The following C12orf42 variants were observed in gnomAD, a reference collection of about 807,000 sequenced individuals.
C12orf42 encodes the protein uncharacterized protein C12orf42.
C12orf42 carries 25 observed loss-of-function variants against 21.6 expected under a neutral mutation model. The observed-to-expected ratio is 1.16, with a 90% CI of 0.84 to 1.62. C12orf42 has a LOEUF of 1.62. C12orf42 is among the 40% of genes most tolerant of loss of function. The probability of loss-of-function intolerance (pLI) is 0.00; values close to 1 mark genes in which losing one functional copy is unlikely to be tolerated. For synonymous variants in C12orf42, 174 were observed against 175.0 expected (o/e 0.99, Z 0.05); for missense variants, 483 against 459.3 (o/e 1.05, Z -0.47).
intron 10 of C12orf42, among the ~76,000 whole-genome samples, chr12:103,253,163 A>T (rs778183475): frequency 5.3e-5 from 8 of 152,120 alleles, no homozygotes; most frequent in Non-Finnish European, 1.0e-4. Context: ...CCGTTGGTCT[A>T]TATATCTGTT....
the C12orf42 span, among the ~76,000 whole-genome samples, chr12:103,166,275 T>G: frequency 6.6e-6 from 1 of 152,150 alleles, no homozygotes. Flanking sequence ...GGGTGGTTGT[T>G]CTGAATATTT....
At chr12:103,467,598 G>A (rs141802327) in intron 2 of C12orf42, among the ~76,000 whole-genome samples, 2 of 152,276 alleles carry the variant, frequency 1.3e-5, no homozygotes, top group East Asian at 1.9e-4. Context: ...TTCCTCTTGG[G>A]CCAACGCACT....
the C12orf42 span, among the ~76,000 whole-genome samples, chr12:103,187,580 C>T: frequency 6.6e-6 from 1 of 152,070 alleles, no homozygotes; most frequent in South Asian, 2.1e-4. Flanking sequence ...AATGTATGGT[C>T]TTTTCATATC....
intron 2 of C12orf42, among the ~76,000 whole-genome samples, chr12:103,440,994 C>T (rs564929130): frequency 1.2e-4 from 18 of 152,282 alleles, no homozygotes; most frequent in African/African-American, 3.4e-4. Flanking sequence ...AATATTAACA[C>T]ATGCCATAAT....
chr12:103,492,483 C>G (rs1026228112), intron 1 of C12orf42, among the ~76,000 whole-genome samples: 1 of 152,208 alleles, frequency 6.6e-6, no homozygotes, highest in Non-Finnish European at 1.5e-5. Context: ...GCTTCTTTAA[C>G]CTTTAACAAA....
At chr12:103,476,110 T>A (rs1954029983) in intron 2 of C12orf42, among the ~76,000 whole-genome samples, 2 of 152,190 alleles carry the variant, frequency 1.3e-5, no homozygotes, top group African/African-American at 4.8e-5. Context: ...AAAGAGTAAG[T>A]GGCTAGGATG....
intron 10 of C12orf42, among the ~76,000 whole-genome samples, chr12:103,247,149 C>A (rs900303340): frequency 1.3e-5 from 2 of 151,026 alleles, no homozygotes; most frequent in Non-Finnish European, 3.0e-5. Flanking sequence ...CTCACTGCAA[C>A]AAGTACCATT....
At chr12:103,268,447 A>G (rs1466468948), downstream of C12orf42, 1 of 151,926 alleles carries the variant, frequency 6.6e-6, no homozygotes, top group Non-Finnish European at 1.5e-5. Context: ...TTTTTCCCCG[A>G]CAGTGACCTG....
chr12:103,273,377 A>T (rs1028140481), intron 5 of C12orf42, among the ~76,000 whole-genome samples: 3 of 152,220 alleles, frequency 2.0e-5, no homozygotes, highest in African/African-American at 7.2e-5. Flanking sequence ...TGTAAATAAA[A>T]TTTTAATGAA....
chr12:103,371,290 A>C (rs944856519), intron 3 of C12orf42, among the ~76,000 whole-genome samples: 5 of 152,106 alleles, frequency 3.3e-5, no homozygotes, highest in African/African-American at 1.2e-4. Flanking sequence ...AGGGCACTGG[A>C]GTAGGAACTC....
chr12:103,084,949 T>C, the C12orf42 span, among the ~76,000 whole-genome samples: 1 of 152,178 alleles, frequency 6.6e-6, no homozygotes, highest in Admixed American at 6.5e-5. Context: ...AAGTCAAGCC[T>C]ACAGGTTTAC....
chr12:103,537,483 G>C, the C12orf42 span, among the ~76,000 whole-genome samples: 1 of 152,082 alleles, frequency 6.6e-6, no homozygotes, highest in Non-Finnish European at 1.5e-5. Context: ...AGAAAGTGGT[G>C]ACTTGCAAGA....
the C12orf42 span, among the ~76,000 whole-genome samples, chr12:103,148,015 G>C: frequency 3.3e-5 from 5 of 152,092 alleles, no homozygotes; most frequent in Non-Finnish European, 5.9e-5. Flanking sequence ...TCATACAGAA[G>C]AGAACCATTG....
chr12:103,312,704 A>C (rs1039690979), intron 4 of C12orf42, among the ~76,000 whole-genome samples: 3 of 152,196 alleles, frequency 2.0e-5, no homozygotes, highest in African/African-American at 7.2e-5. Context: ...CAGTTCTTTT[A>C]ATGTGTAAGC....
At chr12:103,141,284 T>C in the C12orf42 span, among the ~76,000 whole-genome samples, 1 of 151,664 alleles carries the variant, frequency 6.6e-6, no homozygotes, top group Non-Finnish European at 1.5e-5. Flanking sequence ...GAAGAAATAG[T>C]GAAAGAAAGA....
chr12:103,490,630 C>T lies in C12orf42; in HGVS notation c.-22+5272G>A, dbSNP rs552638819. ...ATTTTCTAGAATTTTTAGAACAATC[C>T]AAAAGAATAATGGCAATGATAGGTC... On this transcript the variant is annotated intron_variant, in intron 1 of 5. Transcript: ENST00000548883. Among the ~76,000 whole-genome samples, 26 of 151,864 alleles carry T rather than the reference C, an allele frequency of 1.7e-4. 1 individual carries two copies. The South Asian group carries it at 5.2e-3, about 30-fold the overall frequency.
intron 2 of C12orf42, among the ~76,000 whole-genome samples, chr12:103,413,910 A>AT (rs1566271027): frequency 6.6e-6 from 1 of 152,024 alleles, no homozygotes; most frequent in Non-Finnish European, 1.5e-5. Flanking sequence ...TCATTGGTTG[A>AT]TGTACATTTA....
intron 4 of C12orf42, among the ~76,000 whole-genome samples, chr12:103,351,223 C>T (rs1260870094): frequency 6.6e-6 from 1 of 152,164 alleles, no homozygotes; most frequent in Non-Finnish European, 1.5e-5. Context: ...CCACAGCCTA[C>T]ACTTGTGCAA....
At chr12:103,235,847 C>T (rs533796384), downstream of C12orf42, among the ~76,000 whole-genome samples, 30 of 152,086 alleles carry the variant, frequency 2.0e-4, no homozygotes, top group African/African-American at 2.4e-4. Context: ...AATAAAGCCA[C>T]GAAGAAATTT....
Sources: gnomAD v4.1 joint callset for allele counts (sites outside exome capture counted in the v4.1 genomes callset) on GRCh38, gnomAD v4.1.1 for gene constraint, MANE v1.5 for transcripts, NCBI Gene and HGNC (gene_info 2026-07-23, HGNC 2026-07-21) for gene names.